PCSK2: variants seen among roughly 807,000 people sequenced by gnomAD.
The protein encoded by PCSK2 is neuroendocrine convertase 2.
In PCSK2, 14 loss-of-function variants were observed where a neutral mutation model predicts 69.7. The observed-to-expected ratio is 0.20, with a 90% CI of 0.13 to 0.31. The LOEUF is 0.31. PCSK2 is among the 10% of genes least tolerant of loss of function. PCSK2 has a pLI of 1.00. For synonymous variants in PCSK2, 307 were observed against 320.7 expected (o/e 0.96, Z 0.46); for missense variants, 544 against 842.5 (o/e 0.65, Z 4.39).
Position 17,481,790 on chromosome 20 carries a change from A to T in PCSK2, c.1637A>T (p.Lys546Met). Residue 546 changes from lysine to methionine, a missense_variant, in exon 12 of 12, where the codon AAG becomes ATG. Coordinates refer to ENST00000262545, the MANE Select transcript of PCSK2 (RefSeq NM_002594.5). ...CGGCGTCCAAGGGATGACGACTCCAAGGTGGGCTTTGACAAGTGGCCTTTC... is the reference window on the plus strand; with the variant it reads ...CGGCGTCCAAGGGATGACGACTCCATGGTGGGCTTTGACAAGTGGCCTTTC... ...LSRRPRDDDS[K>M]VGFDKWPFMT... is the part of the protein sequence containing the mutation. 1 of 1,614,150 alleles carries T rather than the reference A, an allele frequency of 6.2e-7. No individual in the cohort carries two copies. Among genetic ancestry groups the T allele is most frequent in the Admixed American group, 1.7e-5 (1 of 60,018 alleles).
intron 8 of PCSK2, among the ~76,000 whole-genome samples, chr20:17,445,550 T>G (rs753806935): frequency 1.3e-5 from 2 of 152,192 alleles, no homozygotes; most frequent in African/African-American, 2.4e-5. Context: ...AGGGACCACT[T>G]ACAAGAAAAC....
chr20:17,397,364 G>A (rs573255411), intron 5 of PCSK2, among the ~76,000 whole-genome samples: 159 of 152,116 alleles, frequency 1.0e-3, no homozygotes, highest in Non-Finnish European at 1.6e-3. Flanking sequence ...AATTCAGACC[G>A]TAATATTCAT....
chr20:17,349,894 G>T (rs919453470), intron 2 of PCSK2, among the ~76,000 whole-genome samples: 5 of 152,222 alleles, frequency 3.3e-5, no homozygotes, highest in African/African-American at 1.2e-4. Flanking sequence ...TCTGGTGGTT[G>T]GCCTGAGCAC....
chr20:17,404,108 G>A lies in PCSK2; in HGVS notation c.544-5155G>A, dbSNP rs115373789. Among the ~76,000 whole-genome samples the A allele has an allele frequency of 1.5e-3, 234 of 152,270 alleles. 1 individual carries two copies. The highest frequency in any genetic ancestry group is 5.5e-3 in the African/African-American group (227 of 41,548). On this transcript the variant is annotated intron_variant, in intron 5 of 11. Transcript: ENST00000262545. ...CTCCACCTTGGGGTGTGGGGGTGGT[G>A]CACATGGCTTGGTAAGTCCAATGCA...
At chr20:17,304,729 G>A (rs1989272875) in intron 2 of PCSK2, among the ~76,000 whole-genome samples, 1 of 152,158 alleles carries the variant, frequency 6.6e-6, no homozygotes, top group East Asian at 1.9e-4. Flanking sequence ...GTGTGACCAT[G>A]TACAATTGAG....
intron 2 of PCSK2, among the ~76,000 whole-genome samples, chr20:17,321,624 T>C (rs1369133966): frequency 5.9e-5 from 9 of 152,198 alleles, no homozygotes; most frequent in Non-Finnish European, 1.2e-4. Flanking sequence ...GAGAAACAAA[T>C]TATCCTCTAT....
intron 9 of PCSK2, among the ~76,000 whole-genome samples, chr20:17,455,732 C>T (rs1350004617): frequency 6.6e-6 from 1 of 152,204 alleles, no homozygotes; most frequent in Non-Finnish European, 1.5e-5. Flanking sequence ...TTTTAGGTTT[C>T]AGGAAATAAA....
intron 2 of PCSK2, among the ~76,000 whole-genome samples, chr20:17,336,164 T>C (rs1424223255): frequency 1.3e-5 from 2 of 152,226 alleles, no homozygotes; most frequent in Non-Finnish European, 2.9e-5. Flanking sequence ...TATATAATCA[T>C]TGTAAAGTAT....
At chr20:17,331,164 G>A (rs981465343) in intron 2 of PCSK2, among the ~76,000 whole-genome samples, 3 of 152,132 alleles carry the variant, frequency 2.0e-5, no homozygotes, top group Admixed American at 6.5e-5. Flanking sequence ...CTCAAACAGC[G>A]TTCCTACTTC....
chr20:17,383,515 T>G (rs1373080380), intron 5 of PCSK2, among the ~76,000 whole-genome samples: 1 of 152,250 alleles, frequency 6.6e-6, no homozygotes, highest in Non-Finnish European at 1.5e-5. Flanking sequence ...CCCTTGATGC[T>G]TTTAATTCAT....
intron 2 of PCSK2, among the ~76,000 whole-genome samples, chr20:17,335,255 A>T (rs1990313781): frequency 6.6e-6 from 1 of 152,160 alleles, no homozygotes; most frequent in African/African-American, 2.4e-5. Flanking sequence ...ACATGGCTAC[A>T]GGCTGGGAGC....
intron 7 of PCSK2, among the ~76,000 whole-genome samples, chr20:17,432,097 G>A (rs2032380284): frequency 6.6e-6 from 1 of 152,068 alleles, no homozygotes; most frequent in Non-Finnish European, 1.5e-5. Context: ...CTTAACCCAG[G>A]GATTCAAAAA....
intron 1 of PCSK2, among the ~76,000 whole-genome samples, chr20:17,230,912 C>T (rs754301771): frequency 2.4e-4 from 37 of 152,252 alleles, no homozygotes; most frequent in Middle Eastern, 3.4e-3. Flanking sequence ...ATGACCTGGC[C>T]CTGGCCCAAA....
Position 17,483,077 on chromosome 20 carries a change from CA to C in PCSK2, c.*1009del, listed in dbSNP as rs2033438567. On this transcript the variant is annotated 3_prime_UTR_variant, in exon 12 of 12. Coordinates refer to ENST00000262545, the MANE Select transcript of PCSK2 (RefSeq NM_002594.5). ...ACACACAGATGTGGGCTTTGATTTCCAAGTAATATAATGGAAGAGAAATCTC... is the reference window on the plus strand; with the variant it reads ...ACACACAGATGTGGGCTTTGATTTCCAGTAATATAATGGAAGAGAAATCTC... 6.6e-6 allele frequency: 1 copy of C among 150,540 alleles called. No homozygotes were observed. The highest frequency in any genetic ancestry group is 6.6e-5 in the Admixed American group (1 of 15,092). 9.3% of individuals were successfully genotyped at this position (150,540 alleles called of 1,614,324 possible). A position where few individuals can be genotyped will look rare whatever the true frequency, so the allele number is the denominator to read the frequency against.
At position 17,387,622 on chromosome 20, in the gene PCSK2, A is replaced by C. The variant is rs534036700; in HGVS notation, c.543+18345A>C. On this transcript the variant is annotated intron_variant, in intron 5 of 11. Transcript: ENST00000262545. ...AGAGAGGGACCAAAATGGAAGCTAC[A>C]ATATCTTTTACGATCTAGCCTCAGA... Among the ~76,000 whole-genome samples the C allele has an allele frequency of 2.8e-3, 431 of 152,288 alleles. 3 individuals are homozygous for C. Among genetic ancestry groups the C allele is most frequent in the Non-Finnish European group, 5.0e-3 (343 of 68,028 alleles).
At chr20:17,290,588 C>T (rs1988664383) in intron 2 of PCSK2, among the ~76,000 whole-genome samples, 1 of 152,168 alleles carries the variant, frequency 6.6e-6, no homozygotes, top group African/African-American at 2.4e-5. Context: ...CCTGGTCATA[C>T]TCTCAAGAGA....
At chr20:17,410,126 ATT>A (rs60293985) in intron 6 of PCSK2, among the ~76,000 whole-genome samples, 1 of 147,986 alleles carries the variant, frequency 6.8e-6, no homozygotes, top group African/African-American at 2.5e-5. Flanking sequence ...CACTTTATCC[ATT>A]TTTTTTTTTA....
chr20:17,453,035 C>G lies in PCSK2; in HGVS notation c.886-707C>G, dbSNP rs1295937042. Among the ~76,000 whole-genome samples, 1 of 152,130 alleles carries G rather than the reference C, an allele frequency of 6.6e-6. No individual in the cohort carries two copies. Among genetic ancestry groups the G allele is most frequent in the African/African-American group, 2.4e-5 (1 of 41,440 alleles). On this transcript the variant is annotated intron_variant, in intron 8 of 11. Coordinates refer to ENST00000262545, the MANE Select transcript of PCSK2 (RefSeq NM_002594.5). The surrounding 1 kb of genome is among the most constrained non-coding windows in gnomAD (Gnocchi z 4.0). ...TACTTGATCATATTAGACTTTCCTC[C>G]TACATTTGGAGTTCCCTTGCTCAAG...
intron 2 of PCSK2, chr20:17,263,093 C>G: frequency 1.0e-6 from 1 of 976,612 alleles, no homozygotes; most frequent in Non-Finnish European, 1.2e-6. Context: ...GCTTTTTGAC[C>G]AAAGAAACCT....
Sources: gnomAD v4.1 joint callset for allele counts (sites outside exome capture counted in the v4.1 genomes callset) on GRCh38, gnomAD v4.1.1 for gene constraint, Gnocchi (gnomAD v3.1) non-coding constraint, MANE v1.5 for transcripts, NCBI Gene and HGNC (gene_info 2026-07-23, HGNC 2026-07-21) for gene names.